Variants in FGFR2 observed in about 807,000 individuals in gnomAD.
FGFR2 encodes fibroblast growth factor receptor 2.
In FGFR2, 19 loss-of-function variants were observed where a neutral mutation model predicts 95.9. The ratio of observed to expected loss-of-function variants is 0.20; its 90% CI spans 0.14 to 0.29. The LOEUF (loss-of-function observed/expected upper bound fraction) is 0.29. Among genes scored for constraint, FGFR2 ranks in the 10% least tolerant of loss-of-function variants. The pLI is 1.00. For missense variants in FGFR2, 707 were observed against 1,056.9 expected (o/e 0.67, Z 4.59); for synonymous variants, 392 against 393.3 (o/e 1.00, Z 0.04).
Position 121,515,284 on chromosome 10 carries a change from C to G in FGFR2, c.1120G>C (p.Asp374His), listed in dbSNP as rs776413718. Residue 374 changes from aspartate (D) to histidine (H), a missense_variant, in exon 9 of 18, where the codon GAC (aspartate) becomes CAC (histidine). Around this residue, in one of 7 missense-constraint regions of FGFR2, gnomAD observed 194 missense variants for 267.3 expected, o/e 0.73. Transcript: ENST00000358487. ...GREKEITASP[D>H]YLEIAIYCIG... is the part of the protein sequence containing the mutation. The stretch of plus-strand genomic sequence containing the variant: ...CAGTAAATGGCTATCTCCAGGTAGT[C>G]TGGGGAAGCTGTAATCTCCTTTTCT... The G allele has an allele frequency of 6.2e-7, 1 of 1,614,108 alleles. No individual in the cohort carries two copies. The highest frequency in any genetic ancestry group is 8.5e-7 in the Non-Finnish European group (1 of 1,180,020).
At chr10:121,548,219 ATGTGTGGCCCTC>A (rs376598338) in intron 5 of FGFR2, among the ~76,000 whole-genome samples, 61 of 132,642 alleles carry the variant, frequency 4.6e-4, no homozygotes, top group African/African-American at 1.7e-3. Flanking sequence ...CTGCATCCAA[ATGTGTGGCCCTC>A]TGCCGCTTTT....
At chr10:121,567,092 G>A (rs188436285) in intron 2 of FGFR2, among the ~76,000 whole-genome samples, 2 of 152,244 alleles carry the variant, frequency 1.3e-5, no homozygotes, top group East Asian at 3.9e-4. Context: ...AATCAGGGCA[G>A]GATCAAAGGC....
At chr10:121,591,162 T>C (rs1483648910) in intron 2 of FGFR2, among the ~76,000 whole-genome samples, 1 of 152,212 alleles carries the variant, frequency 6.6e-6, no homozygotes, top group African/African-American at 2.4e-5. Context: ...ACAGAAGAAC[T>C]GGTCTTAGGG....
chr10:121,582,274 C>A (rs987065873), intron 2 of FGFR2, among the ~76,000 whole-genome samples: 1 of 152,158 alleles, frequency 6.6e-6, no homozygotes, highest in Admixed American at 6.5e-5. Flanking sequence ...CCTGTCTCCC[C>A]CACTCAACTG....
chr10:121,562,558 T>C (rs963801114), intron 4 of FGFR2, among the ~76,000 whole-genome samples: 9 of 152,186 alleles, frequency 5.9e-5, no homozygotes, highest in African/African-American at 2.2e-4. Flanking sequence ...AGTGCTAGGA[T>C]TACAGGCGTG....
Position 121,541,457 on chromosome 10 carries a change from T to G in FGFR2, c.625-2742A>C, listed in dbSNP as rs1164910811. On this transcript the variant is annotated intron_variant, in intron 5 of 17. Coordinates refer to ENST00000358487, the MANE Select transcript of FGFR2 (RefSeq NM_000141.5). The stretch of plus-strand genomic sequence containing the variant: ...CAAACAAAAGCACAAAGTTTGGGGG[T>G]TTTTTTTCATTACTCTATTTCCATA... 4.6e-5 allele frequency among the ~76,000 whole-genome samples: 7 copies of G among 151,900 alleles called. No individual in the cohort carries two copies. In the East Asian group the frequency reaches 7.7e-4, roughly 17 times the overall value.
chr10:121,526,829 C>T (rs1011648283), intron 6 of FGFR2: 5 of 398,438 alleles, frequency 1.3e-5, no homozygotes, highest in Admixed American at 4.4e-5. Context: ...CTTTCCTCTT[C>T]GCTGTCTGGT....
chr10:121,479,207 TA>T lies in FGFR2; in HGVS notation c.*649del. The stretch of plus-strand genomic sequence containing the variant: ...GCCACTTAAATTACAAAAAAAACTA[TA>T]AATGATTAATTGTTTTGTATATTAC... On this transcript the variant is annotated 3_prime_UTR_variant, in exon 18 of 18. Transcript: ENST00000358487. 1 of 233,370 alleles carries T rather than the reference TA, an allele frequency of 4.3e-6. No individual in the cohort carries two copies. Among genetic ancestry groups the T allele is most frequent in the East Asian group, 6.1e-5 (1 of 16,350 alleles). 14.5% of individuals were successfully genotyped at this position (233,370 alleles called of 1,614,324 possible).
chr10:121,541,223 G>A (rs1853694946), intron 5 of FGFR2, among the ~76,000 whole-genome samples: 2 of 152,142 alleles, frequency 1.3e-5, no homozygotes, highest in Admixed American at 1.3e-4. Flanking sequence ...GCCCCATGCA[G>A]TGCTGTTAAT....
chr10:121,487,784 G>A (rs1203554436), intron 14 of FGFR2, among the ~76,000 whole-genome samples: 1 of 152,182 alleles, frequency 6.6e-6, no homozygotes, highest in Admixed American at 6.5e-5. Context: ...CTGTATATAA[G>A]TGTTTCACAT....
At chr10:121,574,941 G>C (rs1227692244) in intron 2 of FGFR2, among the ~76,000 whole-genome samples, 1 of 152,202 alleles carries the variant, frequency 6.6e-6, no homozygotes, top group African/African-American at 2.4e-5. Context: ...AGTTGTCAGG[G>C]TGTCTGGTAG....
At chr10:121,524,366 A>C (rs1330185455) in intron 6 of FGFR2, among the ~76,000 whole-genome samples, 1 of 152,210 alleles carries the variant, frequency 6.6e-6, no homozygotes, top group East Asian at 1.9e-4. Flanking sequence ...TTCCAAACTT[A>C]TTACAGCTGC....
rs143169545 is a variant in FGFR2, at chr10:121,509,986, C to G, written c.1287+5131G>C. Among the ~76,000 whole-genome samples the G allele has an allele frequency of 3.3e-5, 5 of 152,230 alleles. No homozygotes were observed. The East Asian group carries it at 9.7e-4, about 30-fold the overall frequency. ...TCTTAGGCTGCAAACCACCTTCCCC[C>G]ACAAGAACACGAGGCTGGCATTAAC... On this transcript the variant is annotated intron_variant, in intron 9 of 17. Coordinates refer to ENST00000358487, the MANE Select transcript of FGFR2 (RefSeq NM_000141.5).
chr10:121,529,642 C>G (rs1851833331), intron 6 of FGFR2, among the ~76,000 whole-genome samples: 1 of 152,162 alleles, frequency 6.6e-6, no homozygotes. Flanking sequence ...TTGGGATGGA[C>G]AGAATTCCTG....
chr10:121,571,270 C>T lies in FGFR2; in HGVS notation c.110-5566G>A, dbSNP rs368302117. ...TCAGCCTCCCAAAGTGCTGGGATTACAGGCGTGAGCCACCGTGCCTGGCCT... is the reference window on the plus strand; with the variant it reads ...TCAGCCTCCCAAAGTGCTGGGATTATAGGCGTGAGCCACCGTGCCTGGCCT... On this transcript the variant is annotated intron_variant, in intron 2 of 17. Transcript: ENST00000358487. Among the ~76,000 whole-genome samples, 56 of 136,388 alleles carry T rather than the reference C, an allele frequency of 4.1e-4. 1 individual carries two copies. In the East Asian group the frequency reaches 8.3e-3, roughly 20 times the overall value. The allele number at this position is 136,388 out of a possible 152,430, so 89.5% of individuals were successfully genotyped here.
chr10:121,571,195 C>A (rs1183251732), intron 2 of FGFR2, among the ~76,000 whole-genome samples: 1 of 151,004 alleles, frequency 6.6e-6, no homozygotes, highest in Admixed American at 6.6e-5. Flanking sequence ...GTGGGTTTCA[C>A]CATGTTGGCC....
intron 9 of FGFR2, among the ~76,000 whole-genome samples, chr10:121,508,452 A>G (rs953197189): frequency 3.3e-5 from 5 of 152,060 alleles, no homozygotes; most frequent in African/African-American, 1.2e-4. Flanking sequence ...TCTGAAGTTC[A>G]CCCCTCTATG....
At position 121,478,734 on chromosome 10, in the gene FGFR2, A is replaced by T. The variant is rs1385799316; in HGVS notation, c.*1123T>A. 1 of 233,526 alleles carries T rather than the reference A, an allele frequency of 4.3e-6. No individual in the cohort carries two copies. Among genetic ancestry groups the T allele is most frequent in the Admixed American group, 5.6e-5 (1 of 17,778 alleles). 14.5% of individuals were successfully genotyped at this position (233,526 alleles called of 1,614,324 possible). On this transcript the variant is annotated 3_prime_UTR_variant, in exon 18 of 18. Coordinates refer to ENST00000358487, the MANE Select transcript of FGFR2 (RefSeq NM_000141.5). ...CTAACAGGCGTCTCCAACGCCAAAG[A>T]GTCTGGAAGCCATTATCAAAATTCA...
chr10:121,498,602 T>A lies in FGFR2; in HGVS notation c.1565A>T (p.Asp522Val), dbSNP rs756076618. 22 of 1,613,930 alleles carry A rather than the reference T, an allele frequency of 1.4e-5. No homozygotes were observed. In the Admixed American group the frequency reaches 3.0e-4, roughly 22 times the overall value. Residue 522 changes from aspartate to valine, a missense_variant, in exon 12 of 18, where the codon GAT (aspartate) becomes GTT (valine). Asp to Val is a radical substitution (Grantham distance 152, BLOSUM62 -3). Around this residue, in one of 7 missense-constraint regions of FGFR2, gnomAD observed 194 missense variants for 267.3 expected, o/e 0.73. Transcript: ENST00000358487. ...ATCAGAAAGGTCTTTCTCTGTGGCATCATCTATGAACAGTAGGCATATTCA... is the reference window on the plus strand; with the variant it reads ...ATCAGAAAGGTCTTTCTCTGTGGCAACATCTATGAACAGTAGGCATATTCA... The part of the protein sequence containing the change: ...VTVAVKMLKD[D>V]ATEKDLSDLV...
Sources: gnomAD v4.1 joint callset for allele counts (sites outside exome capture counted in the v4.1 genomes callset) on GRCh38, gnomAD v4.1.1 for gene constraint, gnomAD v4.1.1 regional missense constraint, MANE v1.5 for transcripts, NCBI Gene and HGNC (gene_info 2026-07-23, HGNC 2026-07-21) for gene names.